The following ACVR1 variants were observed in gnomAD, a reference collection of about 807,000 sequenced individuals.
The protein encoded by ACVR1 is activin receptor type-1.
Under a neutral mutation model 57.1 loss-of-function variants are expected in ACVR1, and 38 were observed. That is an observed-to-expected ratio of 0.67 (90% CI 0.51 to 0.87). The LOEUF (loss-of-function observed/expected upper bound fraction) is 0.87. Among genes scored for constraint, ACVR1 ranks in the 40% least tolerant of loss-of-function variants. The probability of loss-of-function intolerance (pLI) is 0.00; values close to 1 mark genes in which losing one functional copy is unlikely to be tolerated. For synonymous variants in ACVR1, 212 were observed against 228.1 expected (o/e 0.93, Z 0.63); for missense variants, 463 against 638.2 (o/e 0.73, Z 2.96).
At chr2:157,870,354 T>C (rs901817165) in intron 1 of ACVR1, among the ~76,000 whole-genome samples, 3 of 152,194 alleles carry the variant, frequency 2.0e-5, no homozygotes, top group Non-Finnish European at 2.9e-5. Context: ...TTCGATGGCA[T>C]GGTGATATTA....
intron 2 of ACVR1, among the ~76,000 whole-genome samples, chr2:157,802,992 G>C (rs114417655): frequency 6.6e-6 from 1 of 152,002 alleles, no homozygotes; most frequent in Non-Finnish European, 1.5e-5. Context: ...GACACACACA[G>C]AGAGACCTGC....
chr2:157,765,492 G>A (rs908470906), intron 8 of ACVR1, among the ~76,000 whole-genome samples: 2 of 152,078 alleles, frequency 1.3e-5, no homozygotes, highest in African/African-American at 2.4e-5. Context: ...TCTGTATCTC[G>A]ACAGGGATTT....
At chr2:157,834,564 C>CTA (rs1480081201) in intron 1 of ACVR1, among the ~76,000 whole-genome samples, 1 of 152,070 alleles carries the variant, frequency 6.6e-6, no homozygotes, top group African/African-American at 2.4e-5. Flanking sequence ...GAATAGAGAG[C>CTA]TATATATATC....
chr2:157,843,939 G>A lies in ACVR1; in HGVS notation c.-182-25380C>T, dbSNP rs565049747. On this transcript the variant is annotated intron_variant, in intron 1 of 10. Coordinates refer to ENST00000434821, the MANE Select transcript of ACVR1 (RefSeq NM_001111067.4). ...AGACTGCCAGCATCCATTCAAAGACGAAAAAGAAAAAAGGAGCTATTCGCA... is the reference window on the plus strand; with the variant it reads ...AGACTGCCAGCATCCATTCAAAGACAAAAAAGAAAAAAGGAGCTATTCGCA... Among the ~76,000 whole-genome samples the A allele has an allele frequency of 7.9e-4, 120 of 151,938 alleles. 1 individual carries two copies. Among genetic ancestry groups the A allele is most frequent in the Non-Finnish European group, 1.2e-3 (83 of 67,910 alleles).
chr2:157,743,091 A>G (rs1574007419), intron 9 of ACVR1, among the ~76,000 whole-genome samples: 1 of 152,160 alleles, frequency 6.6e-6, no homozygotes, highest in East Asian at 1.9e-4. Context: ...TTCCATCAAC[A>G]GGGCACCTTT....
chr2:157,776,762 A>T (rs895196852), intron 5 of ACVR1, among the ~76,000 whole-genome samples: 3 of 152,170 alleles, frequency 2.0e-5, no homozygotes, highest in African/African-American at 7.2e-5. Context: ...TGGTGAGGGG[A>T]AGTCTTCTCC....
intron 6 of ACVR1, among the ~76,000 whole-genome samples, chr2:157,773,056 A>C (rs1574046493): frequency 6.6e-6 from 1 of 152,216 alleles, no homozygotes. Flanking sequence ...TCCCAAAAGC[A>C]AAAGATGCAA....
chr2:157,835,330 T>A (rs1158251877), intron 1 of ACVR1, among the ~76,000 whole-genome samples: 3 of 152,168 alleles, frequency 2.0e-5, no homozygotes, highest in Non-Finnish European at 2.9e-5. Context: ...AAAATTTCAA[T>A]TAAAAATTAT....
At chr2:157,829,816 A>C (rs191874720) in intron 1 of ACVR1, among the ~76,000 whole-genome samples, 49 of 152,284 alleles carry the variant, frequency 3.2e-4, no homozygotes, top group African/African-American at 1.1e-3. Context: ...GTGGCCCTTA[A>C]AAGTGCATTT....
At chr2:157,771,664 A>G (rs757969113) in intron 6 of ACVR1, among the ~76,000 whole-genome samples, 1 of 152,176 alleles carries the variant, frequency 6.6e-6, no homozygotes, top group Non-Finnish European at 1.5e-5. Context: ...AAACCCAAAC[A>G]TGGAGAGAGA....
chr2:157,808,984 G>A (rs1439591456), intron 2 of ACVR1, among the ~76,000 whole-genome samples: 3 of 152,042 alleles, frequency 2.0e-5, no homozygotes, highest in Non-Finnish European at 1.5e-5. Context: ...AGCAATGTGA[G>A]GCAAGAACCC....
intron 1 of ACVR1, among the ~76,000 whole-genome samples, chr2:157,867,142 G>T (rs1689968638): frequency 6.6e-6 from 1 of 152,090 alleles, no homozygotes. Context: ...TTTCTTTTAA[G>T]AGCAACACCA....
At chr2:157,760,661 A>G (rs769553069) in intron 9 of ACVR1, among the ~76,000 whole-genome samples, 2 of 152,232 alleles carry the variant, frequency 1.3e-5, no homozygotes, top group Non-Finnish European at 2.9e-5. Flanking sequence ...GGTCTCTTCC[A>G]GAAATACTGG....
intron 9 of ACVR1, among the ~76,000 whole-genome samples, chr2:157,759,546 T>G (rs912409676): frequency 3.9e-5 from 6 of 152,256 alleles, no homozygotes; most frequent in Non-Finnish European, 4.4e-5. Context: ...CTTCTTGAAC[T>G]ATTCCAAAAA....
At chr2:157,871,437 T>C (rs1455866759) in intron 1 of ACVR1, among the ~76,000 whole-genome samples, 1 of 152,186 alleles carries the variant, frequency 6.6e-6, no homozygotes, top group Non-Finnish European at 1.5e-5. Flanking sequence ...AGGACACTTA[T>C]GCTAAAAGTG....
At chr2:157,863,346 T>C (rs1232509538) in intron 1 of ACVR1, among the ~76,000 whole-genome samples, 2 of 112,340 alleles carry the variant, frequency 1.8e-5, no homozygotes, top group African/African-American at 6.6e-5. Flanking sequence ...CTTTTTTTTT[T>C]TTTTTTTTTT....
chr2:157,798,619 C>T (rs528189350), intron 3 of ACVR1, among the ~76,000 whole-genome samples: 2 of 152,024 alleles, frequency 1.3e-5, no homozygotes, highest in East Asian at 3.9e-4. Context: ...CCTCCGCCTC[C>T]CAGGTTCAAG....
intron 1 of ACVR1, among the ~76,000 whole-genome samples, chr2:157,836,609 C>T (rs963300193): frequency 6.6e-6 from 1 of 152,208 alleles, no homozygotes; most frequent in Non-Finnish European, 1.5e-5. Flanking sequence ...TGGATACCCA[C>T]CCTTGTTCTC....
chr2:157,841,674 TG>T (rs1238868718), intron 1 of ACVR1, among the ~76,000 whole-genome samples: 4 of 152,078 alleles, frequency 2.6e-5, no homozygotes, highest in Admixed American at 2.0e-4. Context: ...ATCTTGCCTG[TG>T]AATAGCCACT....
Sources: gnomAD v4.1 joint callset for allele counts (sites outside exome capture counted in the v4.1 genomes callset) on GRCh38, gnomAD v4.1.1 for gene constraint, MANE v1.5 for transcripts, NCBI Gene and HGNC (gene_info 2026-07-23, HGNC 2026-07-21) for gene names.